Variants in BBS7 observed in about 807,000 individuals in gnomAD.
The protein encoded by BBS7 is Bardet-Biedl syndrome 7.
A neutral mutation model predicts 90.3 loss-of-function variants in BBS7; 50 were observed. The observed-to-expected ratio is 0.55, with a 90% CI of 0.44 to 0.70. The LOEUF (loss-of-function observed/expected upper bound fraction) is 0.70, where lower values mean the gene tolerates loss of function less well. BBS7 is among the 30% of genes least tolerant of loss of function. The pLI is 0.00. For missense variants in BBS7, 729 were observed against 838.9 expected (o/e 0.87, Z 1.62); for synonymous variants, 235 against 287.4 (o/e 0.82, Z 1.85).
Position 121,828,739 on chromosome 4 carries a change from A to G in BBS7, c.1677-11T>C. The stretch of plus-strand genomic sequence containing the variant: ...ACTCCCTCTCCTTTTCTATAAAATT[A>G]ATATATTTTTTAAAAGAATAGCTGT... On this transcript the variant is annotated splice_polypyrimidine_tract_variant and intron_variant, in intron 15 of 18. Coordinates refer to ENST00000264499, the MANE Select transcript of BBS7 (RefSeq NM_176824.3). 1 of 1,448,794 alleles carries G rather than the reference A, an allele frequency of 6.9e-7. No individual in the cohort carries two copies. 89.7% of individuals were successfully genotyped at this position (1,448,794 alleles called of 1,614,324 possible).
rs1726398302 is a variant in BBS7 at position 121,852,946 on chromosome 4, A to G, written c.849+10T>C. ...AATAATAAGCATATAGTCTTTTTTA[A>G]TGAACTTACCTGATCAAATCGTAGA... is the stretch of plus-strand genomic sequence containing the variant. On this transcript the variant is annotated intron_variant, in intron 8 of 18. Coordinates refer to ENST00000264499, the MANE Select transcript of BBS7 (RefSeq NM_176824.3). The G allele has an allele frequency of 6.2e-7, 1 of 1,613,082 alleles. No individual in the cohort carries two copies. Among genetic ancestry groups the G allele is most frequent in the Non-Finnish European group, 8.5e-7 (1 of 1,179,418 alleles).
intron 5 of BBS7, 82 bp downstream of exon 5, chr4:121,858,910 A>G (rs1215598970): frequency 1.3e-5 from 17 of 1,331,748 alleles, no homozygotes; most frequent in Non-Finnish European, 2.1e-6. Context: ...AACAGTAACC[A>G]CTAATTTATC....
At position 121,852,816 on chromosome 4, in the gene BBS7, T is replaced by G; in HGVS notation, c.849+140A>C. On this transcript the variant is annotated intron_variant, in intron 8 of 18. Transcript: ENST00000264499. ...AAACACAAGAGAAGTCTAGAGAAGATTCTGATAACATCAAAATAGCAATAT... is the reference window on the plus strand; with the variant it reads ...AAACACAAGAGAAGTCTAGAGAAGAGTCTGATAACATCAAAATAGCAATAT... The G allele has an allele frequency of 5.8e-6, 5 of 858,496 alleles. No homozygotes were observed. The South Asian group carries it at 8.6e-5, about 15-fold the overall frequency. The allele number at this position is 858,496 out of a possible 1,614,324, so 53.2% of individuals were successfully genotyped here.
chr4:121,843,266 C>G (rs928234071), intron 12 of BBS7, among the ~76,000 whole-genome samples: 2 of 152,072 alleles, frequency 1.3e-5, no homozygotes, highest in African/African-American at 2.4e-5. Context: ...AAGAAAGATA[C>G]AGTGATGTTC....
chr4:121,849,873 C>T (rs183827113), intron 8 of BBS7, among the ~76,000 whole-genome samples: 1 of 151,892 alleles, frequency 6.6e-6, no homozygotes, highest in Non-Finnish European at 1.5e-5. Flanking sequence ...AGCAAAATAC[C>T]CCGTTAAGTT....
In BBS7 at chr4:121,835,119, G is replaced by T. The variant is rs55803709; in HGVS notation, c.1511+25C>A. The T allele has an allele frequency of 0.03, 47,592 of 1,611,800 alleles. 2,709 individuals carry two copies. The highest frequency in any genetic ancestry group is 0.24 in the African/African-American group (18,309 of 74,836). On this transcript the variant is annotated intron_variant, in intron 14 of 18. Coordinates refer to ENST00000264499, the MANE Select transcript of BBS7 (RefSeq NM_176824.3). Reference sequence around the variant, plus strand: ...TTTGAATTGTGTAATATCCTAAAAAGAATTTGCTCTTTCCTTTGTCCTACC... The same window carrying T: ...TTTGAATTGTGTAATATCCTAAAAATAATTTGCTCTTTCCTTTGTCCTACC...
chr4:121,855,734 A>C (rs553624180), intron 5 of BBS7, among the ~76,000 whole-genome samples, 173 bp from the exon 6 acceptor site: 1 of 152,160 alleles, frequency 6.6e-6, no homozygotes, highest in Admixed American at 6.5e-5. Context: ...TGCATATATC[A>C]ACTGATTTGA....
chr4:121,837,976 T>C (rs2706798), intron 13 of BBS7, among the ~76,000 whole-genome samples: 150,112 of 152,074 alleles, frequency 0.99, 74,094 homozygotes, highest in Middle Eastern at 1. Context: ...TGGTGGTACA[T>C]GCCTGTAATC....
rs200720761 is a variant in BBS7, at chr4:121,835,204, C to T, written c.1451G>A (p.Arg484His). The T allele has an allele frequency of 3.9e-5, 63 of 1,613,724 alleles. No homozygotes were observed. Among genetic ancestry groups the T allele is most frequent in the Middle Eastern group, 1.6e-4 (1 of 6,082 alleles). ...TGAAAGAGGTTTGATGTGGTACTGG[C>T]GGACCTGACAGGTTTTGGGTTGAAT... ...PRIQPKTCQV[R>H]QYHIKPLSLH... The change falls in exon 14 of 19, where the codon CGC becomes CAC. Residue 484 changes from arginine (R) to histidine (H), a missense_variant. Transcript: ENST00000264499.
At chr4:121,852,153 A>G (rs1305229175) in intron 8 of BBS7, among the ~76,000 whole-genome samples, 1 of 152,206 alleles carries the variant, frequency 6.6e-6, no homozygotes, top group Non-Finnish European at 1.5e-5. Context: ...TTTTATCCCT[A>G]TATTTTCTAA....
At chr4:121,859,701 A>C (rs922332293) in intron 4 of BBS7, among the ~76,000 whole-genome samples, 3 of 152,124 alleles carry the variant, frequency 2.0e-5, no homozygotes, top group African/African-American at 7.2e-5. Flanking sequence ...CTTTCTTACT[A>C]CCACACTAAA....
chr4:121,839,610 G>T, intron 13 of BBS7, 21 bp downstream of exon 13: 2 of 1,586,244 alleles, frequency 1.3e-6, no homozygotes, highest in Non-Finnish European at 1.7e-6. Context: ...TTCAAGTAAA[G>T]GTAATTTCTA....
At chr4:121,841,941 T>G (rs1313885304) in intron 12 of BBS7, among the ~76,000 whole-genome samples, 2 of 152,066 alleles carry the variant, frequency 1.3e-5, no homozygotes, top group African/African-American at 4.8e-5. Context: ...AAAAATAAAA[T>G]TTTTACTATG....
At chr4:121,832,009 A>AACAC (rs375865529) in intron 15 of BBS7, among the ~76,000 whole-genome samples, 9,281 of 142,772 alleles carry the variant, frequency 0.065, 318 homozygotes, top group Middle Eastern at 0.087. Context: ...AAAAAACAAA[A>AACAC]ACACACACAC....
Position 121,861,689 on chromosome 4 carries a change from A to G in BBS7, c.166-10T>C. ...AAGTCTTGAACACTGCCTGAAAAAA[A>G]TCATTCAGGAAAAAAGTACACAAAT... On this transcript the variant is annotated splice_polypyrimidine_tract_variant and intron_variant, in intron 3 of 18. Coordinates refer to ENST00000264499, the MANE Select transcript of BBS7 (RefSeq NM_176824.3). 1 of 1,613,542 alleles carries G rather than the reference A, an allele frequency of 6.2e-7. No individual in the cohort carries two copies. The highest frequency in any genetic ancestry group is 8.5e-7 in the Non-Finnish European group (1 of 1,179,618).
At position 121,839,826 on chromosome 4, in the gene BBS7, G is replaced by A. The variant is rs375478835; in HGVS notation, c.1306-130C>T. On this transcript the variant is annotated intron_variant, in intron 12 of 18. Coordinates refer to ENST00000264499, the MANE Select transcript of BBS7 (RefSeq NM_176824.3). ...TTGGTGCTCAGCGCTTTTCAAACAT[G>A]TTCTAACTTACACTTACAAAAACTC... is the stretch of plus-strand genomic sequence containing the variant. 6.8e-5 allele frequency: 51 copies of A among 753,720 alleles called. No homozygotes were observed. The African/African-American group carries it at 7.4e-4, about 11-fold the overall frequency. 46.7% of individuals were successfully genotyped at this position (753,720 alleles called of 1,614,324 possible).
chr4:121,837,067 A>C (rs143800307), intron 13 of BBS7, among the ~76,000 whole-genome samples: 6,625 of 151,922 alleles, frequency 0.044, 477 homozygotes, highest in African/African-American at 0.15. Context: ...TCAAGCGATT[A>C]TCATGCCTCG....
chr4:121,831,463 A>G (rs951361614), intron 15 of BBS7, among the ~76,000 whole-genome samples: 3 of 144,422 alleles, frequency 2.1e-5, no homozygotes, highest in African/African-American at 7.6e-5. Flanking sequence ...AGACTCTCTT[A>G]AAAAAAAAAA....
chr4:121,829,859 G>A (rs1725097180), intron 15 of BBS7, among the ~76,000 whole-genome samples: 1 of 152,168 alleles, frequency 6.6e-6, no homozygotes, highest in Non-Finnish European at 1.5e-5. Flanking sequence ...AACTGAACAA[G>A]GGATAAAATC....
Sources: gnomAD v4.1 joint callset for allele counts (sites outside exome capture counted in the v4.1 genomes callset) on GRCh38, gnomAD v4.1.1 for gene constraint, MANE v1.5 for transcripts, NCBI Gene and HGNC (gene_info 2026-07-23, HGNC 2026-07-21) for gene names.